The following RANBP2 variants were observed in gnomAD, a reference collection of about 807,000 sequenced individuals.
RANBP2 encodes the protein RAN binding protein 2, also known as E3 SUMO-protein ligase RanBP2.
Under a neutral mutation model 303.6 loss-of-function variants are expected in RANBP2, and 57 were observed. That is an observed-to-expected ratio of 0.19 (90% CI 0.15 to 0.23). The LOEUF is 0.23. RANBP2 is among the 10% of genes least tolerant of loss of function. The probability of loss-of-function intolerance (pLI) is 1.00; values close to 1 mark genes in which losing one functional copy is unlikely to be tolerated. For missense variants in RANBP2, 3,138 were observed against 3,780.8 expected, an observed-to-expected ratio of 0.83 and a Z score of 4.46; for synonymous variants, 1,167 against 1,301.5, an observed-to-expected ratio of 0.90 and a Z score of 2.23.
chr2:109,468,200 C>T, the RANBP2 span, among the ~76,000 whole-genome samples: 1 of 152,234 alleles, frequency 6.6e-6, no homozygotes, highest in African/African-American at 2.4e-5. Flanking sequence ...CTGTGACACA[C>T]CTAGGCTGTG....
At chr2:109,595,668 A>C in the RANBP2 span, among the ~76,000 whole-genome samples, 1 of 152,154 alleles carries the variant, frequency 6.6e-6, no homozygotes, top group Non-Finnish European at 1.5e-5. Flanking sequence ...ATCCCTAAAC[A>C]CCAGAAGGCA....
At chr2:109,133,440 C>T in the RANBP2 span, among the ~76,000 whole-genome samples, 1 of 152,154 alleles carries the variant, frequency 6.6e-6, no homozygotes, top group Non-Finnish European at 1.5e-5. Flanking sequence ...TAAGCATACA[C>T]GTGTATGATT....
At chr2:109,721,096 C>T in the RANBP2 span, among the ~76,000 whole-genome samples, 1 of 152,200 alleles carries the variant, frequency 6.6e-6, no homozygotes, top group African/African-American at 2.4e-5. Context: ...GGGGCAACTG[C>T]ATTTCTGGAA....
At chr2:109,010,355 C>A in the RANBP2 span, among the ~76,000 whole-genome samples, 2 of 137,554 alleles carry the variant, frequency 1.5e-5, no homozygotes, top group Non-Finnish European at 3.1e-5. Flanking sequence ...ACACACTCTT[C>A]CCATCCTGCT....
At chr2:108,754,770 A>C in intron 15 of RANBP2, 135 bp from the exon 16 acceptor site, 1 of 1,154,194 alleles carries the variant, frequency 8.7e-7, no homozygotes, top group Non-Finnish European at 1.2e-6. Flanking sequence ...AAACACTTTC[A>C]CGTGTATTAT....
At chr2:109,617,620 G>A in the RANBP2 span, 3 of 166,998 alleles carry the variant, frequency 1.8e-5, no homozygotes, top group African/African-American at 4.8e-5. Flanking sequence ...CCTGCGGGGT[G>A]AATGAACCCA....
chr2:109,254,424 G>T, the RANBP2 span, among the ~76,000 whole-genome samples: 2 of 152,124 alleles, frequency 1.3e-5, no homozygotes, highest in East Asian at 3.9e-4. Flanking sequence ...TGTTGGGGAG[G>T]TTAAATGGAT....
chr2:109,427,649 C>G, the RANBP2 span, among the ~76,000 whole-genome samples: 773 of 152,372 alleles, frequency 5.1e-3, 13 homozygotes, highest in Middle Eastern at 0.02. Context: ...GGAAAGACAT[C>G]AGCTCCTAAG....
the RANBP2 span, chr2:108,910,701 G>A: frequency 6.5e-7 from 1 of 1,527,100 alleles, no homozygotes; most frequent in Non-Finnish European, 9.1e-7. Flanking sequence ...GCAGCGAGGA[G>A]GCTGCTTCTG....
chr2:109,327,525 G>A, the RANBP2 span, among the ~76,000 whole-genome samples: 23 of 152,108 alleles, frequency 1.5e-4, no homozygotes, highest in Non-Finnish European at 3.1e-4. Flanking sequence ...AAATCCCGTC[G>A]AGATTTAAAT....
chr2:108,792,869 C>T, the RANBP2 span, among the ~76,000 whole-genome samples: 1 of 151,372 alleles, frequency 6.6e-6, no homozygotes, highest in Admixed American at 6.6e-5. Flanking sequence ...TCGAGACCAT[C>T]CTGGCTAACA....
the RANBP2 span, chr2:109,585,762 C>A: frequency 1.2e-6 from 2 of 1,613,856 alleles, no homozygotes; most frequent in South Asian, 1.1e-5. Context: ...CTGAATGGAT[C>A]TGTTCACCAG....
the RANBP2 span, among the ~76,000 whole-genome samples, chr2:108,855,166 A>G: frequency 1.3e-5 from 2 of 152,196 alleles, no homozygotes; most frequent in Non-Finnish European, 2.9e-5. Flanking sequence ...GAAATATTCA[A>G]TAAATTAAAA....
chr2:109,479,031 C>T, the RANBP2 span, among the ~76,000 whole-genome samples: 1 of 152,166 alleles, frequency 6.6e-6, no homozygotes, highest in East Asian at 1.9e-4. Context: ...GGTGGGCTGG[C>T]TTATGTGTCT....
the RANBP2 span, chr2:109,614,190 T>C: frequency 1.8e-6 from 2 of 1,131,414 alleles, no homozygotes; most frequent in East Asian, 3.9e-5. Flanking sequence ...ATTGCGGCCC[T>C]CGCGAGGCCG....
chr2:109,474,988 TG>T, the RANBP2 span, among the ~76,000 whole-genome samples: 4 of 152,062 alleles, frequency 2.6e-5, no homozygotes, highest in Non-Finnish European at 5.9e-5. Flanking sequence ...TTTGTTTGTT[TG>T]TTTTTTTGAG....
the RANBP2 span, chr2:109,613,958 G>A: frequency 4.0e-5 from 49 of 1,210,004 alleles, no homozygotes; most frequent in Non-Finnish European, 4.7e-5. Context: ...CCTCCGCGAC[G>A]GGGAAGGGAC....
the RANBP2 span, among the ~76,000 whole-genome samples, chr2:109,529,714 G>A: frequency 2.0e-5 from 3 of 152,198 alleles, no homozygotes; most frequent in Admixed American, 1.3e-4. Flanking sequence ...AATCTCAGAA[G>A]GAAGGACAGA....
At chr2:109,451,471 CT>C in the RANBP2 span, among the ~76,000 whole-genome samples, 2 of 152,186 alleles carry the variant, frequency 1.3e-5, no homozygotes, top group Non-Finnish European at 2.9e-5. Context: ...TTCCCTCTCT[CT>C]AGTTTGTGAA....
Sources: gnomAD v4.1 joint callset for allele counts (sites outside exome capture counted in the v4.1 genomes callset) on GRCh38, gnomAD v4.1.1 for gene constraint, MANE v1.5 for transcripts, NCBI Gene and HGNC (gene_info 2026-07-23, HGNC 2026-07-21) for gene names.